Variants in PCDHGA2 observed in about 807,000 individuals in gnomAD.
PCDHGA2 encodes the protein protocadherin gamma subfamily A, 2.
In PCDHGA2, 40 loss-of-function variants were observed where a neutral mutation model predicts 59.2. That is an observed-to-expected ratio of 0.68 (90% CI 0.52 to 0.88). PCDHGA2 has a LOEUF of 0.88. PCDHGA2 is among the 40% of genes least tolerant of loss of function. The pLI is 0.00. For missense variants in PCDHGA2, 1,226 were observed against 1,204.0 expected, an observed-to-expected ratio of 1.02 and a Z score of -0.27; for synonymous variants, 560 against 526.0, an observed-to-expected ratio of 1.06 and a Z score of -0.89.
At chr5:141,403,092 A>C in intron 1 of PCDHGA2, 4 of 1,614,086 alleles carry the variant, frequency 2.5e-6, no homozygotes, top group Non-Finnish European at 3.4e-6. Flanking sequence ...ATTGTGGGCA[A>C]CATCTCCAAG....
At chr5:141,374,220 G>A (rs775122429) in intron 1 of PCDHGA2, 1 of 1,613,984 alleles carries the variant, frequency 6.2e-7, no homozygotes, top group Non-Finnish European at 8.5e-7. Context: ...TCCTTCGTAG[G>A]CAACATCGTC....
Position 141,477,032 on chromosome 5 carries a change from A to G in PCDHGA2, c.2425-17775A>G, listed in dbSNP as rs1026169829. 2 of 1,614,134 alleles carry G rather than the reference A, an allele frequency of 1.2e-6. No homozygotes were observed. Among genetic ancestry groups the G allele is most frequent in the Non-Finnish European group, 1.7e-6 (2 of 1,180,044 alleles). ...AGACCTTGTAACCGGGATGCTGACA[A>G]TCAAGGGTCGGCTGGACTTCGAGGA... On this transcript the variant is annotated intron_variant, in intron 1 of 3. Transcript: ENST00000394576. This position sits in a 1 kb window ranked among gnomAD's most constrained non-coding sequence, Gnocchi z 4.9.
chr5:141,347,781 C>T (rs1219258137), intron 1 of PCDHGA2, among the ~76,000 whole-genome samples: 1 of 145,442 alleles, frequency 6.9e-6, no homozygotes, highest in East Asian at 2.0e-4. Context: ...AGAGAGACTC[C>T]ATCTCAAAAA....
In PCDHGA2 at chr5:141,409,431, T is replaced by C. The variant is rs191277647; in HGVS notation, c.2424+68036T>C. 41 of 1,614,006 alleles carry C rather than the reference T, an allele frequency of 2.5e-5. No homozygotes were observed. In the African/African-American group the frequency reaches 3.9e-4, roughly 15 times the overall value. Reference sequence around the variant, plus strand: ...TACAAACTGGTGACAGATGGAGCCCTGGACCGAGAGCAGACACCAGAATAC... The same window carrying C: ...TACAAACTGGTGACAGATGGAGCCCCGGACCGAGAGCAGACACCAGAATAC... On this transcript the variant is annotated intron_variant, in intron 1 of 3. Transcript: ENST00000394576.
chr5:141,498,065 G>C (rs1197771947), intron 2 of PCDHGA2, among the ~76,000 whole-genome samples: 1 of 152,220 alleles, frequency 6.6e-6, no homozygotes, highest in Non-Finnish European at 1.5e-5. Context: ...GACTGAAACT[G>C]TCATAAGTGC....
Position 141,366,210 on chromosome 5 carries a change from G to A in PCDHGA2, c.2424+24815G>A, listed in dbSNP as rs374658125. 81 of 1,613,800 alleles carry A rather than the reference G, an allele frequency of 5.0e-5. 1 individual carries two copies. The African/African-American group carries it at 9.2e-4, about 18-fold the overall frequency. On this transcript the variant is annotated intron_variant, in intron 1 of 3. Coordinates refer to ENST00000394576, the MANE Select transcript of PCDHGA2 (RefSeq NM_018915.4). The stretch of plus-strand genomic sequence containing the variant: ...GTTGGGCTGCACACGGGCGAGGTGC[G>A]CACAGCGCGAGCCCTGCTGGACAGA...
At position 141,351,177 on chromosome 5, in the gene PCDHGA2, A is replaced by G. The variant is rs775042616; in HGVS notation, c.2424+9782A>G. 15 of 1,613,958 alleles carry G rather than the reference A, an allele frequency of 9.3e-6. 1 individual carries two copies. The highest frequency in any genetic ancestry group is 3.3e-4 in the Middle Eastern group (2 of 6,084). On this transcript the variant is annotated intron_variant, in intron 1 of 3. Transcript: ENST00000394576. ...ACAACCAATGGCACATTGGATTTTGAAGAGACAAGTAGATATGTGTTGAGT... is the reference window on the plus strand; with the variant it reads ...ACAACCAATGGCACATTGGATTTTGGAGAGACAAGTAGATATGTGTTGAGT...
At chr5:141,364,576 C>T (rs1420937059) in intron 1 of PCDHGA2, 1 of 1,614,210 alleles carries the variant, frequency 6.2e-7, no homozygotes. Flanking sequence ...CGCGAAGCGG[C>T]AGCTTGGTCA....
intron 1 of PCDHGA2, among the ~76,000 whole-genome samples, chr5:141,481,692 G>A (rs1231630072): frequency 3.3e-5 from 5 of 152,020 alleles, no homozygotes; most frequent in East Asian, 1.9e-4. Context: ...GGTGGCTCAC[G>A]CCTGTAATCC....
intron 1 of PCDHGA2, among the ~76,000 whole-genome samples, chr5:141,368,504 G>A (rs567370495): frequency 3.0e-4 from 45 of 152,138 alleles, no homozygotes; most frequent in Non-Finnish European, 5.3e-4. Context: ...AGTAGGTGTC[G>A]ACATTATTCA....
chr5:141,439,186 C>T (rs2098094521), intron 1 of PCDHGA2, among the ~76,000 whole-genome samples: 1 of 141,808 alleles, frequency 7.1e-6, no homozygotes, highest in Admixed American at 7.0e-5. Flanking sequence ...TAGTGAGACT[C>T]TGACAAAAAA....
In PCDHGA2 at chr5:141,477,380, G is replaced by C; in HGVS notation, c.2425-17427G>C. The C allele has an allele frequency of 6.2e-7, 1 of 1,614,116 alleles. No homozygotes were observed. The highest frequency in any genetic ancestry group is 8.5e-7 in the Non-Finnish European group (1 of 1,180,028). On this transcript the variant is annotated intron_variant, in intron 1 of 3. Transcript: ENST00000394576. The surrounding 1 kb of genome is among the most constrained non-coding windows in gnomAD (Gnocchi z 4.9). ...AGACCTGGATCGGGAGACTGTGCCA[G>C]AATACAACCTCAGCATCACCGCCCG...
At chr5:141,393,735 G>C (rs1478004701) in intron 1 of PCDHGA2, 3 of 1,613,740 alleles carry the variant, frequency 1.9e-6, no homozygotes, top group Non-Finnish European at 1.7e-6. Context: ...AAAAAGTCTA[G>C]ATTATGAAGA....
rs369791160 is a variant in PCDHGA2 at position 141,431,269 on chromosome 5, C to G, written c.2425-63538C>G. On this transcript the variant is annotated intron_variant, in intron 1 of 3. Transcript: ENST00000394576. This position sits in a 1 kb window ranked among gnomAD's most constrained non-coding sequence, Gnocchi z 4.8. ...TCGGGAAGAACTCTCTGCAGAGCTA[C>G]GAGCTCAGCCCGAACACTCACTTCT... 1.4e-5 allele frequency: 22 copies of G among 1,614,034 alleles called. No individual in the cohort carries two copies. The highest frequency in any genetic ancestry group is 2.7e-5 in the African/African-American group (2 of 74,954).
intron 1 of PCDHGA2, chr5:141,344,600 C>T (rs1245863131): frequency 1.2e-6 from 2 of 1,613,818 alleles, no homozygotes. Flanking sequence ...CTGAGGGGGC[C>T]AAGTATCCAG....
intron 2 of PCDHGA2, among the ~76,000 whole-genome samples, chr5:141,498,068 A>G (rs765582921): frequency 6.6e-6 from 1 of 152,244 alleles, no homozygotes; most frequent in Non-Finnish European, 1.5e-5. Context: ...TGAAACTGTC[A>G]TAAGTGCTAG....
intron 1 of PCDHGA2, chr5:141,385,371 T>C: frequency 2.6e-6 from 4 of 1,529,296 alleles, no homozygotes; most frequent in Non-Finnish European, 3.5e-6. Context: ...ATTTGCATGA[T>C]ATTTCTCTAT....
At chr5:141,350,222 AC>A in intron 1 of PCDHGA2, 2 of 1,494,422 alleles carry the variant, frequency 1.3e-6, no homozygotes, top group Non-Finnish European at 1.8e-6. Flanking sequence ...TTTTTGAAAA[AC>A]ATCCCAGAGG....
intron 1 of PCDHGA2, chr5:141,392,144 A>G (rs1172213450): frequency 6.6e-6 from 1 of 152,224 alleles, no homozygotes; most frequent in Admixed American, 6.5e-5. Flanking sequence ...AGTAGTTTAA[A>G]CCAAATAAAA....
Sources: gnomAD v4.1 joint callset for allele counts (sites outside exome capture counted in the v4.1 genomes callset) on GRCh38, gnomAD v4.1.1 for gene constraint, Gnocchi (gnomAD v3.1) non-coding constraint, MANE v1.5 for transcripts, NCBI Gene and HGNC (gene_info 2026-07-23, HGNC 2026-07-21) for gene names.